The following RBFOX1 variants were observed in gnomAD, a reference collection of about 807,000 sequenced individuals.
The protein encoded by RBFOX1 is RNA binding protein fox-1 homolog 1.
In RBFOX1, 8 loss-of-function variants were observed where a neutral mutation model predicts 57.7. That is an observed-to-expected ratio of 0.14 (90% CI 0.08 to 0.25). The LOEUF (loss-of-function observed/expected upper bound fraction) is 0.25. Among genes scored for constraint, RBFOX1 ranks in the 10% least tolerant of loss-of-function variants. RBFOX1 has a pLI of 1.00. For synonymous variants in RBFOX1, 326 were observed against 222.4 expected (o/e 1.47, Z -4.15); for missense variants, 611 against 548.5 (o/e 1.11, Z -1.14).
intron 5 of RBFOX1, among the ~76,000 whole-genome samples, chr16:7,566,678 C>G (rs2091758892): frequency 6.6e-6 from 1 of 152,080 alleles, no homozygotes; most frequent in Non-Finnish European, 1.5e-5. Context: ...GTATCCCAGA[C>G]CATTTAGCCA....
intron 4 of RBFOX1, among the ~76,000 whole-genome samples, chr16:5,971,791 G>A (rs905717265): frequency 3.3e-5 from 5 of 152,194 alleles, no homozygotes; most frequent in Middle Eastern, 3.2e-3. Flanking sequence ...GCCATGGGGT[G>A]CCCAGATATT....
chr16:6,254,171 G>A (rs913899207), intron 1 of RBFOX1, among the ~76,000 whole-genome samples: 3 of 152,102 alleles, frequency 2.0e-5, no homozygotes, highest in South Asian at 2.1e-4. Flanking sequence ...AGCATTTATC[G>A]AATATCTACT....
chr16:5,817,891 C>T (rs1409297406), intron 3 of RBFOX1, among the ~76,000 whole-genome samples: 2 of 151,910 alleles, frequency 1.3e-5, no homozygotes, highest in African/African-American at 2.4e-5. Flanking sequence ...GGGGATTCAC[C>T]GTGTTAGCCA....
intron 3 of RBFOX1, among the ~76,000 whole-genome samples, chr16:6,855,779 T>A (rs1218590888): frequency 6.7e-6 from 1 of 149,370 alleles, no homozygotes; most frequent in Admixed American, 6.6e-5. Context: ...CCTCTACCTT[T>A]AGAGGATTTG....
chr16:6,705,746 G>A (rs1169555569), intron 3 of RBFOX1, among the ~76,000 whole-genome samples: 1 of 152,180 alleles, frequency 6.6e-6, no homozygotes, highest in Non-Finnish European at 1.5e-5. Flanking sequence ...GGCCTGGCAT[G>A]GTGGCTTAAG....
At chr16:6,627,634 G>C (rs1299138597) in intron 2 of RBFOX1, among the ~76,000 whole-genome samples, 5 of 152,130 alleles carry the variant, frequency 3.3e-5, no homozygotes, top group Admixed American at 3.3e-4. Flanking sequence ...AAGAATATAA[G>C]ATGTTCTTGA....
At chr16:6,534,039 A>G (rs1405164681) in intron 2 of RBFOX1, among the ~76,000 whole-genome samples, 6 of 152,132 alleles carry the variant, frequency 3.9e-5, no homozygotes, top group African/African-American at 1.4e-4. Flanking sequence ...GTGGCTCTGG[A>G]CTTAAATATT....
intron 2 of RBFOX1, among the ~76,000 whole-genome samples, chr16:6,501,547 C>T (rs1027482002): frequency 6.6e-6 from 1 of 151,974 alleles, no homozygotes; most frequent in Middle Eastern, 3.2e-3. Flanking sequence ...CATTGTTGGA[C>T]ATTTGGGTTG....
At chr16:5,560,475 T>C (rs1796022476) in intron 2 of RBFOX1, among the ~76,000 whole-genome samples, 1 of 152,190 alleles carries the variant, frequency 6.6e-6, no homozygotes. Context: ...CATCCATTTA[T>C]GTATTTTATT....
At chr16:6,885,154 C>T (rs1300852631) in intron 3 of RBFOX1, among the ~76,000 whole-genome samples, 2 of 152,290 alleles carry the variant, frequency 1.3e-5, no homozygotes, top group South Asian at 2.1e-4. Flanking sequence ...GGACCGCCTC[C>T]TCCTTCCCTA....
At chr16:6,569,093 T>G (rs1215305031) in intron 2 of RBFOX1, among the ~76,000 whole-genome samples, 1 of 152,216 alleles carries the variant, frequency 6.6e-6, no homozygotes, top group African/African-American at 2.4e-5. Flanking sequence ...CAGATTCTGG[T>G]GTCAGCAGCC....
intron 2 of RBFOX1, among the ~76,000 whole-genome samples, chr16:6,574,198 T>C (rs913997681): frequency 7.9e-5 from 12 of 152,106 alleles, no homozygotes; most frequent in African/African-American, 2.9e-4. Flanking sequence ...ACTTAACTTC[T>C]CTAGTCCTCA....
intron 3 of RBFOX1, among the ~76,000 whole-genome samples, chr16:6,979,717 G>A (rs909693701): frequency 6.6e-6 from 1 of 152,152 alleles, no homozygotes; most frequent in Non-Finnish European, 1.5e-5. Flanking sequence ...TTATAAATTT[G>A]AAGGCTGTGA....
chr16:7,661,825 A>T (rs998239790), intron 12 of RBFOX1, among the ~76,000 whole-genome samples: 1 of 152,162 alleles, frequency 6.6e-6, no homozygotes, highest in African/African-American at 2.4e-5. Flanking sequence ...TGTTTCATCA[A>T]TGTAGGATGT....
intron 2 of RBFOX1, among the ~76,000 whole-genome samples, chr16:6,640,425 A>G (rs1484158803): frequency 6.6e-6 from 1 of 152,082 alleles, no homozygotes; most frequent in Non-Finnish European, 1.5e-5. Flanking sequence ...CCTGGCCAAC[A>G]TGGTCAAACC....
chr16:7,581,600 G>A (rs775529273), intron 6 of RBFOX1, among the ~76,000 whole-genome samples: 1 of 152,022 alleles, frequency 6.6e-6, no homozygotes, highest in African/African-American at 2.4e-5. Context: ...ACAGGAATCA[G>A]AGAAGGGATC....
chr16:6,678,858 G>T (rs966761240), intron 3 of RBFOX1, among the ~76,000 whole-genome samples: 4 of 152,070 alleles, frequency 2.6e-5, no homozygotes, highest in Non-Finnish European at 5.9e-5. Context: ...GGGTAGATGG[G>T]TGGTTTATCG....
chr16:5,403,604 C>T (rs2066781021), intron 1 of RBFOX1, among the ~76,000 whole-genome samples: 1 of 151,956 alleles, frequency 6.6e-6, no homozygotes, highest in South Asian at 2.1e-4. Context: ...GACACCATGC[C>T]CAGCTAATTT....
intron 2 of RBFOX1, among the ~76,000 whole-genome samples, chr16:6,620,084 C>T (rs1366532481): frequency 6.6e-6 from 1 of 152,062 alleles, no homozygotes; most frequent in Non-Finnish European, 1.5e-5. Context: ...GCATATGGAC[C>T]ACATTTTCTT....
Sources: allele counts gnomAD v4.1 joint callset (sites outside exome capture counted in the v4.1 genomes callset), GRCh38; gene constraint gnomAD v4.1.1; transcripts MANE v1.5; gene names NCBI Gene and HGNC (gene_info 2026-07-23, HGNC 2026-07-21).